The following MMP26 variants were observed in gnomAD, a reference collection of about 807,000 sequenced individuals.
MMP26 encodes matrix metalloproteinase-26.
Under a neutral mutation model 31.0 loss-of-function variants are expected in MMP26, and 33 were observed. That is an observed-to-expected ratio of 1.06 (90% CI 0.81 to 1.42). MMP26 has a LOEUF of 1.42. Among genes scored for constraint, MMP26 ranks in the 40% most tolerant of loss-of-function variants. The probability of loss-of-function intolerance (pLI) is 0.00; values close to 1 mark genes in which losing one functional copy is unlikely to be tolerated. For missense variants in MMP26, 347 were observed against 316.1 expected (o/e 1.10, Z -0.74); for synonymous variants, 122 against 114.9 (o/e 1.06, Z -0.40).
chr11:4,920,168 C>T (rs1293957877), intron 2 of MMP26, among the ~76,000 whole-genome samples: 1 of 152,064 alleles, frequency 6.6e-6, no homozygotes, highest in African/African-American at 2.4e-5. Context: ...TTTATGGGAC[C>T]TTTTTATAAG....
intron 2 of MMP26, among the ~76,000 whole-genome samples, chr11:4,910,097 T>A (rs1344372666): frequency 6.6e-6 from 1 of 152,132 alleles, no homozygotes; most frequent in East Asian, 1.9e-4. Context: ...TTCATTGAGC[T>A]AAAATCAAGA....
chr11:4,761,727 CT>C (rs1848570943), intron 1 of MMP26, among the ~76,000 whole-genome samples: 1 of 152,010 alleles, frequency 6.6e-6, no homozygotes, highest in Non-Finnish European at 1.5e-5. Flanking sequence ...CTATATGTTT[CT>C]TGTAAATAAT....
At chr11:4,927,455 C>T (rs1262116247) in intron 2 of MMP26, among the ~76,000 whole-genome samples, 2 of 152,102 alleles carry the variant, frequency 1.3e-5, no homozygotes, top group Non-Finnish European at 2.9e-5. Context: ...AAAGCTAGGA[C>T]TAGAACCACA....
intron 2 of MMP26, among the ~76,000 whole-genome samples, chr11:4,853,411 AAAAAC>A (rs1157752687): frequency 1.3e-5 from 2 of 152,238 alleles, no homozygotes; most frequent in Non-Finnish European, 2.9e-5. Flanking sequence ...ATAAAATTAA[AAAAAC>A]AAAATAAGTA....
chr11:4,851,600 T>A (rs921052768), intron 2 of MMP26, among the ~76,000 whole-genome samples: 1 of 152,068 alleles, frequency 6.6e-6, no homozygotes, highest in Non-Finnish European at 1.5e-5. Context: ...TATAATACTC[T>A]ATTGTCGAGT....
rs180872427 is a variant in MMP26, at chr11:4,792,691, C to A, written c.-145+25350C>A. 3.3e-5 allele frequency among the ~76,000 whole-genome samples: 5 copies of A among 152,182 alleles called. No individual in the cohort carries two copies. In the East Asian group the frequency reaches 9.6e-4, roughly 29 times the overall value. ...AAAAATCAAAAACTGAAAAGCAATC[C>A]TATTGTCTGGGTAGAACATGAACTT... On this transcript the variant is annotated intron_variant, in intron 2 of 7. Coordinates refer to ENST00000380390, the MANE Select transcript of MMP26 (RefSeq NM_021801.5).
chr11:4,954,459 A>G lies in MMP26; in HGVS notation c.-144-33609A>G, dbSNP rs1452754205. ...CCTGGTATAGAGAGACTGAATGTAG[A>G]TAACGAGGAATCCAACTTCTGTCAG... is the stretch of plus-strand genomic sequence containing the variant. On this transcript the variant is annotated intron_variant, in intron 2 of 7. Coordinates refer to ENST00000380390, the MANE Select transcript of MMP26 (RefSeq NM_021801.5). 1.6e-5 allele frequency among the ~76,000 whole-genome samples: 2 copies of G among 121,298 alleles called. 1 individual carries two copies. Among genetic ancestry groups the G allele is most frequent in the Non-Finnish European group, 3.7e-5 (2 of 53,390 alleles). The allele number at this position is 121,298 out of a possible 152,430, so 79.6% of individuals were successfully genotyped here. A position where few individuals can be genotyped will look rare whatever the true frequency, so the allele number is the denominator to read the frequency against.
At chr11:4,767,938 T>C (rs909159554) in intron 2 of MMP26, among the ~76,000 whole-genome samples, 4 of 152,202 alleles carry the variant, frequency 2.6e-5, no homozygotes, top group Admixed American at 1.3e-4. Context: ...TCCAAAGAGT[T>C]ACCATAAGTT....
At chr11:4,888,763 G>A (rs1013483099) in intron 2 of MMP26, among the ~76,000 whole-genome samples, 2 of 152,182 alleles carry the variant, frequency 1.3e-5, no homozygotes, top group African/African-American at 4.8e-5. Context: ...TAAGGAAGGT[G>A]CAAAGGGAGA....
chr11:4,833,424 A>C (rs113490779), intron 2 of MMP26, among the ~76,000 whole-genome samples: 52 of 152,320 alleles, frequency 3.4e-4, no homozygotes, highest in African/African-American at 1.2e-3. Flanking sequence ...GAGTCCTACA[A>C]AATTCTGGTA....
At chr11:4,717,363 G>A (rs1847948375) in intron 1 of MMP26, among the ~76,000 whole-genome samples, 1 of 152,182 alleles carries the variant, frequency 6.6e-6, no homozygotes, top group Non-Finnish European at 1.5e-5. Flanking sequence ...ATTGAGACTA[G>A]GTAATGGGGG....
intron 1 of MMP26, among the ~76,000 whole-genome samples, chr11:4,749,260 C>G (rs1392971410): frequency 6.6e-6 from 1 of 151,808 alleles, no homozygotes; most frequent in Non-Finnish European, 1.5e-5. Context: ...AGGAAAACTA[C>G]AAAATGCTGA....
intron 2 of MMP26, among the ~76,000 whole-genome samples, chr11:4,912,019 C>G (rs1310618958): frequency 6.6e-6 from 1 of 152,122 alleles, no homozygotes; most frequent in Non-Finnish European, 1.5e-5. Context: ...GCCCTCCTTC[C>G]CCTCAGGGTG....
At chr11:4,829,071 A>T (rs1163725352) in intron 2 of MMP26, among the ~76,000 whole-genome samples, 1 of 152,066 alleles carries the variant, frequency 6.6e-6, no homozygotes, top group Non-Finnish European at 1.5e-5. Context: ...TAGGACTGAC[A>T]TTTTCCTGAA....
chr11:4,713,368 A>G lies in MMP26; in HGVS notation c.-217+8323A>G, dbSNP rs113619401. On this transcript the variant is annotated intron_variant, in intron 1 of 7. Transcript: ENST00000380390. ...TCATCTCTCCCCCACACTGGCACCCAGGGTTCCAAGTGAGCTGAGTCTGTT... is the reference window on the plus strand; with the variant it reads ...TCATCTCTCCCCCACACTGGCACCCGGGGTTCCAAGTGAGCTGAGTCTGTT... Among the ~76,000 whole-genome samples the G allele has an allele frequency of 9.5e-3, 1,444 of 152,262 alleles. 28 individuals carry two copies. Among genetic ancestry groups the G allele is most frequent in the African/African-American group, 0.03 (1,252 of 41,554 alleles).
chr11:4,859,779 G>A (rs1207804271), intron 2 of MMP26: 1 of 471,246 alleles, frequency 2.1e-6, no homozygotes, highest in Non-Finnish European at 4.4e-6. Context: ...TGTGGATCAT[G>A]GAGGCAGCAC....
intron 2 of MMP26, chr11:4,943,072 G>A (rs2570583): frequency 0.83 from 132,019 of 158,238 alleles, 55,251 homozygotes; most frequent in Middle Eastern, 0.92. Context: ...CATATTCTCT[G>A]CTTGGACTAA....
chr11:4,786,138 A>G (rs77937412), intron 2 of MMP26, among the ~76,000 whole-genome samples: 14,437 of 152,134 alleles, frequency 0.095, 860 homozygotes, highest in Middle Eastern at 0.15. Flanking sequence ...TGTGTGTGAA[A>G]CTGCAGGACC....
At chr11:4,971,715 T>C (rs1564817252) in intron 2 of MMP26, among the ~76,000 whole-genome samples, 1 of 152,146 alleles carries the variant, frequency 6.6e-6, no homozygotes, top group Non-Finnish European at 1.5e-5. Flanking sequence ...ATGGGTTTAT[T>C]TGGCTCACAG....
Sources: allele counts gnomAD v4.1 joint callset (sites outside exome capture counted in the v4.1 genomes callset), GRCh38; gene constraint gnomAD v4.1.1; transcripts MANE v1.5; gene names NCBI Gene and HGNC (gene_info 2026-07-23, HGNC 2026-07-21).